RPS6KA2: variants seen among roughly 807,000 people sequenced by gnomAD.
The protein encoded by RPS6KA2 is ribosomal protein S6 kinase alpha-2.
Under a neutral mutation model 91.8 loss-of-function variants are expected in RPS6KA2, and 42 were observed. That is an observed-to-expected ratio of 0.46 (90% CI 0.36 to 0.59). RPS6KA2 has a LOEUF of 0.59. Among genes scored for constraint, RPS6KA2 ranks in the 20% least tolerant of loss-of-function variants. The pLI is 0.00. For missense variants in RPS6KA2, 798 were observed against 978.5 expected, an observed-to-expected ratio of 0.82 and a Z score of 2.46; for synonymous variants, 414 against 393.6, an observed-to-expected ratio of 1.05 and a Z score of -0.61.
intron 2 of RPS6KA2, among the ~76,000 whole-genome samples, chr6:166,685,289 T>G (rs1208049341): frequency 6.7e-6 from 1 of 149,186 alleles, no homozygotes; most frequent in East Asian, 2.0e-4. Flanking sequence ...GAGTGTGGGG[T>G]GTGTGTGCAG....
intron 1 of RPS6KA2, among the ~76,000 whole-genome samples, chr6:166,558,881 A>C (rs1682311405): frequency 1.3e-5 from 2 of 152,196 alleles, no homozygotes; most frequent in Non-Finnish European, 2.9e-5. Context: ...GTCTTGAGGA[A>C]ACATTTGGTG....
chr6:166,754,468 G>C (rs138216700), intron 2 of RPS6KA2, among the ~76,000 whole-genome samples: 7 of 152,294 alleles, frequency 4.6e-5, no homozygotes, highest in Non-Finnish European at 7.4e-5. Context: ...GGACTGGTTG[G>C]TAAGGGCAGT....
At chr6:166,556,944 G>A (rs762757999) in intron 1 of RPS6KA2, among the ~76,000 whole-genome samples, 4 of 152,340 alleles carry the variant, frequency 2.6e-5, no homozygotes, top group Non-Finnish European at 2.9e-5. Flanking sequence ...TATGCTGGGC[G>A]TGGACTCAGT....
chr6:166,481,435 T>A (rs1781209846), intron 10 of RPS6KA2, among the ~76,000 whole-genome samples: 1 of 152,258 alleles, frequency 6.6e-6, no homozygotes, highest in Non-Finnish European at 1.5e-5. Flanking sequence ...AATTAATAGA[T>A]CTTAAAGTAT....
At chr6:166,738,820 T>A (rs1790736852) in intron 2 of RPS6KA2, among the ~76,000 whole-genome samples, 1 of 152,204 alleles carries the variant, frequency 6.6e-6, no homozygotes, top group African/African-American at 2.4e-5. Context: ...AGCAATGGAA[T>A]CTGCCACTAA....
chr6:166,451,362 C>T (rs954930403), intron 12 of RPS6KA2, 129 bp from the exon 13 acceptor site: 235 of 834,728 alleles, frequency 2.8e-4, no homozygotes, highest in African/African-American at 4.6e-4. Context: ...TGTGTGTGCA[C>T]GTGGCGTATG....
At chr6:166,703,942 A>G (rs1013718811) in intron 2 of RPS6KA2, among the ~76,000 whole-genome samples, 9 of 152,248 alleles carry the variant, frequency 5.9e-5, no homozygotes, top group South Asian at 2.1e-4. Flanking sequence ...CTCAGGTAAC[A>G]TATTTTATAA....
intron 11 of RPS6KA2, among the ~76,000 whole-genome samples, chr6:166,468,679 C>T (rs1168073635): frequency 4.6e-5 from 7 of 151,716 alleles, no homozygotes; most frequent in South Asian, 2.1e-4. Flanking sequence ...CTGGCTAACA[C>T]GGTGAAACCC....
At chr6:166,674,128 A>G (rs1337597239) in intron 2 of RPS6KA2, among the ~76,000 whole-genome samples, 3 of 152,246 alleles carry the variant, frequency 2.0e-5, no homozygotes, top group Admixed American at 6.5e-5. Context: ...GAGAGTCTGC[A>G]AACAGGAAAT....
intron 1 of RPS6KA2, among the ~76,000 whole-genome samples, chr6:166,587,643 A>AG (rs397776906): frequency 2.7e-5 from 4 of 149,374 alleles, no homozygotes; most frequent in Admixed American, 1.4e-4. Context: ...GAAAAAAAAA[A>AG]GCAAACCAGC....
At chr6:166,843,722 G>A (rs1156595611) in intron 2 of RPS6KA2, among the ~76,000 whole-genome samples, 1 of 152,100 alleles carries the variant, frequency 6.6e-6, no homozygotes, top group Admixed American at 6.5e-5. Context: ...GGAAGGGGGA[G>A]AACACCACAT....
chr6:166,766,563 G>A (rs1479744337), intron 2 of RPS6KA2, among the ~76,000 whole-genome samples: 1 of 152,192 alleles, frequency 6.6e-6, no homozygotes, highest in Admixed American at 6.5e-5. Context: ...AGCTGAATAT[G>A]ATAAAACTTT....
At position 166,433,306 on chromosome 6, in the gene RPS6KA2, T is replaced by C. The variant is rs1390105196; in HGVS notation, c.1333-816A>G. On this transcript the variant is annotated intron_variant, in intron 14 of 20. Coordinates refer to ENST00000265678, the MANE Select transcript of RPS6KA2 (RefSeq NM_021135.6). The surrounding 1 kb of genome is among the most constrained non-coding windows in gnomAD (Gnocchi z 4.4). The stretch of plus-strand genomic sequence containing the variant: ...GCAAGCTCCCCTCCCCCGCCCAGCA[T>C]CTGTATCCGATGTCTTAGGATAACA... Among the ~76,000 whole-genome samples the C allele has an allele frequency of 1.3e-5, 2 of 151,962 alleles. No individual in the cohort carries two copies. Among genetic ancestry groups the C allele is most frequent in the Non-Finnish European group, 2.9e-5 (2 of 67,990 alleles).
chr6:166,627,083 G>A lies in RPS6KA2; in HGVS notation c.-64C>T, dbSNP rs1018892486. On this transcript the variant is annotated 5_prime_UTR_variant, in exon 1 of 21. Transcript: ENST00000265678. Reference sequence around the variant, plus strand: ...GACGCGCATCCCCGGCATCCCAGGCGCGGGGCTCAGGTCCGCGGGCGGGCA... The same window carrying A: ...GACGCGCATCCCCGGCATCCCAGGCACGGGGCTCAGGTCCGCGGGCGGGCA... 1 of 1,282,254 alleles carries A rather than the reference G, an allele frequency of 7.8e-7. No individual in the cohort carries two copies. The highest frequency in any genetic ancestry group is 1.0e-6 in the Non-Finnish European group (1 of 1,001,966). The allele number at this position is 1,282,254 out of a possible 1,614,324, so 79.4% of individuals were successfully genotyped here. A position where few individuals can be genotyped will look rare whatever the true frequency, so the allele number is the denominator to read the frequency against.
At chr6:166,601,169 G>A (rs867207781) in intron 1 of RPS6KA2, among the ~76,000 whole-genome samples, 7 of 152,194 alleles carry the variant, frequency 4.6e-5, no homozygotes, top group Admixed American at 2.6e-4. Context: ...ATTAGATAGA[G>A]AAAATGATAG....
intron 14 of RPS6KA2, among the ~76,000 whole-genome samples, chr6:166,436,991 T>C (rs1779340920): frequency 6.6e-6 from 1 of 152,220 alleles, no homozygotes; most frequent in African/African-American, 2.4e-5. Context: ...TGTCAGGAAG[T>C]GCTGGCTGCT....
intron 2 of RPS6KA2, among the ~76,000 whole-genome samples, chr6:166,842,127 C>A (rs1253202175): frequency 6.6e-6 from 1 of 152,200 alleles, no homozygotes; most frequent in African/African-American, 2.4e-5. Flanking sequence ...AAAGCAGGTT[C>A]TCTCGCAAAG....
At chr6:166,580,000 C>A (rs919239888) in intron 1 of RPS6KA2, among the ~76,000 whole-genome samples, 4 of 152,248 alleles carry the variant, frequency 2.6e-5, no homozygotes, top group Non-Finnish European at 5.9e-5. Flanking sequence ...CACGGCACTT[C>A]ATCAAGTTCA....
intron 2 of RPS6KA2, among the ~76,000 whole-genome samples, chr6:166,803,981 T>A (rs373138159): frequency 2.0e-5 from 3 of 152,190 alleles, no homozygotes; most frequent in African/African-American, 7.2e-5. Context: ...ACCCTAATAA[T>A]ATTGCAAAAA....
Sources: allele counts gnomAD v4.1 joint callset (sites outside exome capture counted in the v4.1 genomes callset), GRCh38; gene constraint gnomAD v4.1.1; non-coding constraint Gnocchi (gnomAD v3.1); transcripts MANE v1.5; gene names NCBI Gene and HGNC (gene_info 2026-07-23, HGNC 2026-07-21).